STX18: variants seen among roughly 807,000 people sequenced by gnomAD.
STX18 encodes syntaxin-18.
A neutral mutation model predicts 50.1 loss-of-function variants in STX18; 40 were observed. The observed-to-expected ratio is 0.80, with a 90% confidence interval of 0.62 to 1.04. The LOEUF is 1.04. Ranked by LOEUF, STX18 falls within the 50% of genes least tolerant of loss-of-function variation. The pLI, the probability that STX18 is intolerant of heterozygous loss-of-function variation, is 0.00. For missense variants in STX18, 410 were observed against 415.8 expected (o/e 0.99, Z 0.12); for synonymous variants, 158 against 151.8 (o/e 1.04, Z -0.30).
At chr4:4,507,887 T>C in intron 1 of STX18, 2 of 550,318 alleles carry the variant, frequency 3.6e-6, no homozygotes, top group Non-Finnish European at 3.2e-6. Context: ...CCTAGTCCCT[T>C]ATGTTCTAGC....
chr4:4,490,741 CT>C (rs1368927468), intron 1 of STX18, among the ~76,000 whole-genome samples: 1 of 152,080 alleles, frequency 6.6e-6, no homozygotes, highest in Non-Finnish European at 1.5e-5. Context: ...CACATTTAAC[CT>C]TTATTTTAAA....
intron 1 of STX18, among the ~76,000 whole-genome samples, chr4:4,519,216 A>G (rs1024975003): frequency 1.3e-5 from 2 of 152,214 alleles, no homozygotes; most frequent in Admixed American, 6.5e-5. Flanking sequence ...AATATGCTTA[A>G]CACACAAGCA....
chr4:4,483,623 GACAC>G (rs1251449722), intron 1 of STX18, among the ~76,000 whole-genome samples: 3 of 152,170 alleles, frequency 2.0e-5, no homozygotes, highest in Non-Finnish European at 4.4e-5. Flanking sequence ...CAGGCTAGAT[GACAC>G]ACAGAGCAGT....
At chr4:4,449,598 A>G (rs2108805659) in intron 5 of STX18, among the ~76,000 whole-genome samples, 1 of 152,260 alleles carries the variant, frequency 6.6e-6, no homozygotes, top group Non-Finnish European at 1.5e-5. Context: ...AGAAATCACA[A>G]AAGTGATGCT....
chr4:4,511,713 AGT>A (rs3038434), intron 1 of STX18, among the ~76,000 whole-genome samples: 14,817 of 137,154 alleles, frequency 0.11, 773 homozygotes, highest in Middle Eastern at 0.14. Flanking sequence ...ACTCATGATT[AGT>A]GTGTGTGTGT....
At chr4:4,539,055 GGTA>G (rs1344450551) in intron 1 of STX18, among the ~76,000 whole-genome samples, 1 of 152,122 alleles carries the variant, frequency 6.6e-6, no homozygotes, top group Non-Finnish European at 1.5e-5. Context: ...GTTGTTGGAA[GGTA>G]GGGACTGCAA....
At chr4:4,491,375 T>C (rs746232597) in intron 1 of STX18, among the ~76,000 whole-genome samples, 1 of 151,978 alleles carries the variant, frequency 6.6e-6, no homozygotes, top group Non-Finnish European at 1.5e-5. Flanking sequence ...TTTTAGTAAA[T>C]AAAAATAACA....
chr4:4,468,679 A>C (rs369732849), intron 2 of STX18, among the ~76,000 whole-genome samples: 4 of 152,182 alleles, frequency 2.6e-5, no homozygotes, highest in African/African-American at 9.7e-5. Flanking sequence ...CATTGCTACA[A>C]GGAGTGAAAA....
chr4:4,457,328 T>A lies in STX18; in HGVS notation c.431-71A>T, dbSNP rs1021337216. On this transcript the variant is annotated intron_variant, in intron 4 of 10. Coordinates refer to ENST00000306200, the MANE Select transcript of STX18 (RefSeq NM_016930.4). ...TCTCAGGCAAAGCCATCATTAAATATAATGAGATACTACAGTCTTCAGCTA... is the reference window on the plus strand; with the variant it reads ...TCTCAGGCAAAGCCATCATTAAATAAAATGAGATACTACAGTCTTCAGCTA... 2.6e-6 allele frequency: 4 copies of A among 1,567,102 alleles called. No individual in the cohort carries two copies. In the African/African-American group the frequency reaches 5.4e-5, roughly 21 times the overall value.
chr4:4,518,589 C>T (rs891327294), intron 1 of STX18, among the ~76,000 whole-genome samples: 1 of 152,148 alleles, frequency 6.6e-6, no homozygotes, highest in South Asian at 2.1e-4. Context: ...ATTATAAACA[C>T]ATCACTACTT....
intron 5 of STX18, among the ~76,000 whole-genome samples, chr4:4,454,848 T>C (rs981844350): frequency 6.6e-6 from 1 of 152,224 alleles, no homozygotes; most frequent in African/African-American, 2.4e-5. Context: ...AAAGATATGG[T>C]GGCTTTTTGA....
At chr4:4,423,615 A>G in intron 8 of STX18, 28 bp from the exon 9 acceptor site, 1 of 1,603,556 alleles carries the variant, frequency 6.2e-7, no homozygotes, top group Non-Finnish European at 8.5e-7. Flanking sequence ...ATTACATATT[A>G]ACTATTAGCA....
chr4:4,504,291 G>A (rs1482064029), intron 1 of STX18, among the ~76,000 whole-genome samples: 1 of 151,994 alleles, frequency 6.6e-6, no homozygotes, highest in Non-Finnish European at 1.5e-5. Flanking sequence ...TTTTAATCAG[G>A]AAAATGATCT....
At chr4:4,515,868 A>G (rs906092435) in intron 1 of STX18, among the ~76,000 whole-genome samples, 3 of 152,146 alleles carry the variant, frequency 2.0e-5, no homozygotes, top group Admixed American at 1.3e-4. Context: ...TGCAGTGCAA[A>G]TTATTGATTT....
At chr4:4,527,846 A>G (rs201947097) in intron 1 of STX18, among the ~76,000 whole-genome samples, 1 of 139,940 alleles carries the variant, frequency 7.1e-6, no homozygotes, top group Admixed American at 7.1e-5. Context: ...GTCTTTATAT[A>G]TATATACACA....
intron 1 of STX18, among the ~76,000 whole-genome samples, chr4:4,511,956 G>C (rs1043711168): frequency 1.3e-5 from 2 of 152,032 alleles, no homozygotes; most frequent in Non-Finnish European, 1.5e-5. Flanking sequence ...GGGTGTTTGT[G>C]GGAGAGCTGT....
chr4:4,537,127 G>A (rs950360336), intron 1 of STX18, among the ~76,000 whole-genome samples: 1 of 152,090 alleles, frequency 6.6e-6, no homozygotes, highest in African/African-American at 2.4e-5. Flanking sequence ...GCCCCCCCTG[G>A]CTCCTGTAAC....
intron 2 of STX18, among the ~76,000 whole-genome samples, chr4:4,461,257 C>G (rs1011420615): frequency 2.6e-5 from 4 of 152,090 alleles, no homozygotes; most frequent in African/African-American, 9.7e-5. Context: ...TATGGTTATT[C>G]TATTAGTAAG....
chr4:4,518,306 T>C (rs1385320096), intron 1 of STX18, among the ~76,000 whole-genome samples: 1 of 152,230 alleles, frequency 6.6e-6, no homozygotes, highest in Non-Finnish European at 1.5e-5. Flanking sequence ...TAGAAAATTA[T>C]TAACAATGTT....
Sources: allele counts gnomAD v4.1 joint callset (sites outside exome capture counted in the v4.1 genomes callset), GRCh38; gene constraint gnomAD v4.1.1; transcripts MANE v1.5; gene names NCBI Gene and HGNC (gene_info 2026-07-23, HGNC 2026-07-21).